Variants in GLI3 observed in about 807,000 individuals in gnomAD.
The protein encoded by GLI3 is transcription activator GLI3.
GLI3 carries 20 observed loss-of-function variants against 100.8 expected under a neutral mutation model. That is an observed-to-expected ratio of 0.20 (90% CI 0.14 to 0.29). The LOEUF (loss-of-function observed/expected upper bound fraction) is 0.29. Ranked by LOEUF, GLI3 falls within the 10% of genes least tolerant of loss-of-function variation. GLI3 has a pLI of 1.00. For missense variants in GLI3, 2,040 were observed against 2,128.5 expected (o/e 0.96, Z 0.82); for synonymous variants, 938 against 860.5 (o/e 1.09, Z -1.58).
chr7:42,046,235 T>G (rs1784242323), intron 5 of GLI3, among the ~76,000 whole-genome samples: 1 of 152,240 alleles, frequency 6.6e-6, no homozygotes, highest in African/African-American at 2.4e-5. Context: ...GTAGCAGTTC[T>G]GAGGGTGGCC....
At chr7:42,225,143 A>C (rs1788559086) in intron 1 of GLI3, among the ~76,000 whole-genome samples, 1 of 152,162 alleles carries the variant, frequency 6.6e-6, no homozygotes, top group African/African-American at 2.4e-5. Flanking sequence ...TATCATCTTT[A>C]AAGTATGCCA....
intron 2 of GLI3, among the ~76,000 whole-genome samples, chr7:42,219,172 C>T (rs1583656920): frequency 6.6e-6 from 1 of 152,340 alleles, no homozygotes; most frequent in Non-Finnish European, 1.5e-5. Context: ...GATCTGCATG[C>T]ATACTTTCTA....
chr7:42,068,140 A>G (rs769833568), intron 4 of GLI3, among the ~76,000 whole-genome samples: 1 of 152,358 alleles, frequency 6.6e-6, no homozygotes, highest in Non-Finnish European at 1.5e-5. Context: ...GTGTGTAGAC[A>G]CACACAAGAG....
intron 2 of GLI3, among the ~76,000 whole-genome samples, chr7:42,197,789 C>T (rs886070186): frequency 1.4e-4 from 21 of 152,192 alleles, no homozygotes; most frequent in African/African-American, 4.6e-4. Flanking sequence ...ATGGTCTGGG[C>T]GTCACAGCAG....
chr7:42,167,106 C>T (rs1035823500), intron 2 of GLI3, among the ~76,000 whole-genome samples: 18 of 152,242 alleles, frequency 1.2e-4, no homozygotes, highest in African/African-American at 4.3e-4. Flanking sequence ...GGATTGCAGA[C>T]ATGAGCCACT....
intron 2 of GLI3, among the ~76,000 whole-genome samples, chr7:42,206,778 G>A (rs966854832): frequency 1.3e-5 from 2 of 152,008 alleles, no homozygotes; most frequent in African/African-American, 4.8e-5. Context: ...TACAGAAAAA[G>A]AACCTAAAAT....
At chr7:42,092,528 T>A (rs537794456) in intron 3 of GLI3, among the ~76,000 whole-genome samples, 1 of 152,242 alleles carries the variant, frequency 6.6e-6, no homozygotes. Flanking sequence ...GGGCTGACCA[T>A]GAGCAGGTTA....
At position 41,972,233 on chromosome 7, in the gene GLI3, C is replaced by T. The variant is rs1583741334; in HGVS notation, c.2103+104G>A. On this transcript the variant is annotated intron_variant, in intron 13 of 14. Coordinates refer to ENST00000395925, the MANE Select transcript of GLI3 (RefSeq NM_000168.6). The surrounding 1 kb of genome is among the most constrained non-coding windows in gnomAD (Gnocchi z 4.4). ...CCTCATCGCCTCCTCAGATCAGAGA[C>T]AGCCTGACACAGTGAGGACCGGGAA... The T allele has an allele frequency of 1.9e-6, 2 of 1,056,730 alleles. No individual in the cohort carries two copies. The highest frequency in any genetic ancestry group is 4.7e-5 in the East Asian group (2 of 42,458). 65.5% of individuals were successfully genotyped at this position (1,056,730 alleles called of 1,614,324 possible).
chr7:42,145,334 A>G, intron 3 of GLI3: 1 of 383,740 alleles, frequency 2.6e-6, no homozygotes, highest in Non-Finnish European at 4.6e-6. Context: ...ATGTTCCTGC[A>G]TGTATTAAAG....
intron 3 of GLI3, among the ~76,000 whole-genome samples, chr7:42,107,698 C>G (rs1049088084): frequency 1.3e-5 from 2 of 152,100 alleles, no homozygotes; most frequent in African/African-American, 4.8e-5. Flanking sequence ...GAGGGAGGAA[C>G]AGTGACAAGG....
At chr7:42,219,466 T>G (rs1583657124) in intron 2 of GLI3, among the ~76,000 whole-genome samples, 1 of 152,184 alleles carries the variant, frequency 6.6e-6, no homozygotes, top group South Asian at 2.1e-4. Flanking sequence ...AGTTTTTCAC[T>G]TGCATTATTT....
chr7:41,981,582 G>C (rs1012871757), intron 10 of GLI3, among the ~76,000 whole-genome samples: 7 of 152,306 alleles, frequency 4.6e-5, no homozygotes, highest in African/African-American at 1.7e-4. Context: ...GAAAGGGAAG[G>C]CATCTCCTGG....
intron 13 of GLI3, among the ~76,000 whole-genome samples, chr7:41,969,141 C>T (rs983311058): frequency 5.9e-5 from 9 of 152,140 alleles, no homozygotes; most frequent in African/African-American, 9.7e-5. Flanking sequence ...GATAAACAGT[C>T]GAATCCTTTT....
At chr7:42,032,689 T>C (rs990043686) in intron 7 of GLI3, among the ~76,000 whole-genome samples, 7 of 152,298 alleles carry the variant, frequency 4.6e-5, no homozygotes, top group East Asian at 1.9e-4. Flanking sequence ...AGCAGCATAA[T>C]ATGGCTTGCT....
At chr7:41,996,255 T>C (rs913912431) in intron 10 of GLI3, among the ~76,000 whole-genome samples, 2 of 152,232 alleles carry the variant, frequency 1.3e-5, no homozygotes, top group Non-Finnish European at 2.9e-5. Context: ...TCCTAAATTA[T>C]TGTACCATTA....
At chr7:42,100,505 C>T (rs889745344) in intron 3 of GLI3, among the ~76,000 whole-genome samples, 1 of 151,476 alleles carries the variant, frequency 6.6e-6, no homozygotes, top group Non-Finnish European at 1.5e-5. Context: ...GGAGGCCAAA[C>T]TAGGCAGATC....
intron 1 of GLI3, among the ~76,000 whole-genome samples, chr7:42,254,537 T>G (rs1789066449): frequency 6.6e-6 from 1 of 152,226 alleles, no homozygotes. Context: ...ATCAGTGACT[T>G]TAGTCAGAAC....
chr7:41,968,857 A>C (rs1416950329), intron 13 of GLI3, among the ~76,000 whole-genome samples: 1 of 152,220 alleles, frequency 6.6e-6, no homozygotes, highest in Non-Finnish European at 1.5e-5. Flanking sequence ...TGTTCTCCTT[A>C]GTGTACTCCC....
intron 6 of GLI3, 112 bp from the exon 7 acceptor site, chr7:42,040,351 G>GAGAGA (rs1258000419): frequency 1.3e-6 from 1 of 787,932 alleles, no homozygotes; most frequent in East Asian, 2.6e-5. Flanking sequence ...GGCAACTTGC[G>GAGAGA]GTGACAAGCA....
Sources: gnomAD v4.1 joint callset for allele counts (sites outside exome capture counted in the v4.1 genomes callset) on GRCh38, gnomAD v4.1.1 for gene constraint, Gnocchi (gnomAD v3.1) non-coding constraint, MANE v1.5 for transcripts, NCBI Gene and HGNC (gene_info 2026-07-23, HGNC 2026-07-21) for gene names.